Variants in CHST11 observed in about 807,000 individuals in gnomAD.
CHST11 encodes carbohydrate sulfotransferase 11.
A neutral mutation model predicts 30.4 loss-of-function variants in CHST11; 9 were observed. The observed-to-expected ratio is 0.30, with a 90% CI of 0.18 to 0.52. The LOEUF is 0.52. Ranked by LOEUF, CHST11 falls within the 20% of genes least tolerant of loss-of-function variation. The probability of loss-of-function intolerance (pLI) is 0.97; values close to 1 mark genes in which losing one functional copy is unlikely to be tolerated. For missense variants in CHST11, 348 were observed against 460.6 expected, an observed-to-expected ratio of 0.76 and a Z score of 2.24; for synonymous variants, 152 against 187.8, an observed-to-expected ratio of 0.81 and a Z score of 1.56.
intron 1 of CHST11, among the ~76,000 whole-genome samples, chr12:104,583,943 C>T (rs978690219): frequency 3.9e-5 from 6 of 152,180 alleles, no homozygotes; most frequent in African/African-American, 1.2e-4. Flanking sequence ...AAACTCCCGA[C>T]CTCAAGTGAT....
rs534782308 is a variant in CHST11 at position 104,613,011 on chromosome 12, C to T, written c.204+11020C>T. On this transcript the variant is annotated intron_variant, in intron 2 of 2. Transcript: ENST00000303694. ...CTGAGGCAGCCAGATTGCTTGAGGC[C>T]CAGGAGTTTGAGACCAGCCTGGGCA... Among the ~76,000 whole-genome samples, 242 of 152,028 alleles carry T rather than the reference C, an allele frequency of 1.6e-3. 2 individuals carry two copies. Among genetic ancestry groups the T allele is most frequent in the African/African-American group, 5.3e-3 (221 of 41,472 alleles).
At chr12:104,469,327 G>C (rs1278353900) in intron 1 of CHST11, among the ~76,000 whole-genome samples, 2 of 152,100 alleles carry the variant, frequency 1.3e-5, no homozygotes, top group African/African-American at 2.4e-5. Context: ...TCAGCCTTGT[G>C]TTTTTTTGCT....
intron 2 of CHST11, among the ~76,000 whole-genome samples, chr12:104,718,416 T>C (rs1283661904): frequency 1.3e-5 from 2 of 152,182 alleles, no homozygotes; most frequent in African/African-American, 4.8e-5. Context: ...TTCGTTTGAA[T>C]CCCTACTGCT....
chr12:104,511,907 T>A (rs1353592149), intron 1 of CHST11, among the ~76,000 whole-genome samples: 1 of 152,178 alleles, frequency 6.6e-6, no homozygotes, highest in African/African-American at 2.4e-5. Flanking sequence ...GAAGCTCAAG[T>A]CAATGCTATG....
rs572359226 is a variant in CHST11, at chr12:104,527,742, C to G, written c.118+70213C>G. ...GATGTATTAGTCTGTTTCCACACTG[C>G]TGTAAAGAACTACCTCAGACTGTGT... is the stretch of plus-strand genomic sequence containing the variant. On this transcript the variant is annotated intron_variant, in intron 1 of 2. Coordinates refer to ENST00000303694, the MANE Select transcript of CHST11 (RefSeq NM_018413.6). Among the ~76,000 whole-genome samples the G allele has an allele frequency of 4.6e-5, 7 of 152,334 alleles. No individual in the cohort carries two copies. In the East Asian group the frequency reaches 1.3e-3, roughly 29 times the overall value.
intron 2 of CHST11, among the ~76,000 whole-genome samples, chr12:104,652,771 C>T (rs1178883206): frequency 3.3e-5 from 5 of 152,176 alleles, no homozygotes; most frequent in Admixed American, 1.3e-4. Context: ...TTGTTGGTTT[C>T]GATCCTGACC....
intron 1 of CHST11, among the ~76,000 whole-genome samples, chr12:104,482,353 CG>C (rs11333586): frequency 0.61 from 91,605 of 149,506 alleles, 28,442 homozygotes; most frequent in African/African-American, 0.72. Flanking sequence ...AGCCCCCCCC[CG>C]CAAAAATGAA....
chr12:104,631,446 T>C (rs1457287375), intron 2 of CHST11, among the ~76,000 whole-genome samples: 1 of 152,158 alleles, frequency 6.6e-6, no homozygotes, highest in African/African-American at 2.4e-5. Flanking sequence ...AATGGCTGCC[T>C]GCACCTGCGA....
chr12:104,740,417 C>T (rs960937570), intron 2 of CHST11, among the ~76,000 whole-genome samples: 1 of 152,204 alleles, frequency 6.6e-6, no homozygotes, highest in African/African-American at 2.4e-5. Context: ...TCCATCCCTG[C>T]ACCTCCAACA....
chr12:104,507,166 G>T (rs1349386241), intron 1 of CHST11, among the ~76,000 whole-genome samples: 1 of 152,204 alleles, frequency 6.6e-6, no homozygotes, highest in African/African-American at 2.4e-5. Context: ...CGGGCTCCCT[G>T]TGCGTGTTGC....
intron 2 of CHST11, among the ~76,000 whole-genome samples, chr12:104,717,980 A>G (rs2040144733): frequency 6.6e-6 from 1 of 152,188 alleles, no homozygotes; most frequent in South Asian, 2.1e-4. Context: ...ATTAATAAAT[A>G]AAAGTAAAAG....
At chr12:104,626,578 CAA>C (rs34633763) in intron 2 of CHST11, among the ~76,000 whole-genome samples, 60 of 78,134 alleles carry the variant, frequency 7.7e-4, no homozygotes, top group African/African-American at 1.1e-3. Context: ...CCTCCCCACC[CAA>C]AAAAAAAAAA....
chr12:104,723,919 G>C (rs972192276), intron 2 of CHST11, among the ~76,000 whole-genome samples: 2 of 152,190 alleles, frequency 1.3e-5, no homozygotes, highest in African/African-American at 2.4e-5. Context: ...TGGGGAAGTA[G>C]GAGAAAGACA....
At chr12:104,549,297 G>T (rs1344990592) in intron 1 of CHST11, among the ~76,000 whole-genome samples, 1 of 152,172 alleles carries the variant, frequency 6.6e-6, no homozygotes, top group Non-Finnish European at 1.5e-5. Flanking sequence ...TACATATCCT[G>T]CTGGGCTAGT....
At chr12:104,680,538 G>A (rs984577327) in intron 2 of CHST11, among the ~76,000 whole-genome samples, 2 of 152,238 alleles carry the variant, frequency 1.3e-5, no homozygotes, top group Admixed American at 1.3e-4. Context: ...TTTGCCTACT[G>A]GGCAGAAGTG....
chr12:104,608,455 C>T (rs1336771060), intron 2 of CHST11, among the ~76,000 whole-genome samples: 1 of 152,100 alleles, frequency 6.6e-6, no homozygotes, highest in Non-Finnish European at 1.5e-5. Context: ...CTGCACAAAG[C>T]CCTCTTGAGC....
At chr12:104,514,310 C>T in intron 1 of CHST11, 1 of 920,144 alleles carries the variant, frequency 1.1e-6, no homozygotes, top group Non-Finnish European at 1.8e-6. Context: ...GCAGCCTGAT[C>T]ATTGGCTGTG....
chr12:104,488,345 G>GTA (rs2037704381), intron 1 of CHST11, among the ~76,000 whole-genome samples: 2 of 152,046 alleles, frequency 1.3e-5, no homozygotes, highest in South Asian at 4.1e-4. Context: ...CTGTGTGTGT[G>GTA]TATGCATGTG....
chr12:104,539,480 C>T (rs1458380028), intron 1 of CHST11, among the ~76,000 whole-genome samples: 1 of 152,050 alleles, frequency 6.6e-6, no homozygotes, highest in African/African-American at 2.4e-5. Flanking sequence ...TATGGGGATA[C>T]GATGAAATAT....
Sources: gnomAD v4.1 joint callset for allele counts (sites outside exome capture counted in the v4.1 genomes callset) on GRCh38, gnomAD v4.1.1 for gene constraint, MANE v1.5 for transcripts, NCBI Gene and HGNC (gene_info 2026-07-23, HGNC 2026-07-21) for gene names.